Variants in EHD4 observed in about 807,000 individuals in gnomAD.
EHD4 encodes the protein EH domain-containing protein 4.
EHD4 carries 37 observed loss-of-function variants against 51.0 expected under a neutral mutation model. That is an observed-to-expected ratio of 0.73 (90% CI 0.56 to 0.95). EHD4 has a LOEUF of 0.95. EHD4 is among the 40% of genes least tolerant of loss of function. The pLI is 0.00. For missense variants in EHD4, 632 were observed against 733.1 expected (o/e 0.86, Z 1.59); for synonymous variants, 297 against 317.3 (o/e 0.94, Z 0.68).
At chr15:41,952,903 T>C (rs976928936) in intron 2 of EHD4, among the ~76,000 whole-genome samples, 3 of 148,548 alleles carry the variant, frequency 2.0e-5, no homozygotes, top group African/African-American at 7.5e-5. Context: ...GGCAGGAGAA[T>C]TGCTTGAACC....
chr15:41,961,131 T>A (rs2141008432), intron 1 of EHD4, among the ~76,000 whole-genome samples: 1 of 152,336 alleles, frequency 6.6e-6, no homozygotes, highest in South Asian at 2.1e-4. Flanking sequence ...ACCAATAAAC[T>A]GGAATTTGCT....
chr15:41,919,138 C>A (rs1595533454), intron 4 of EHD4, 72 bp downstream of exon 4: 2 of 1,581,530 alleles, frequency 1.3e-6, no homozygotes. Context: ...CTCCTCCCAC[C>A]CATCTTGCCT....
chr15:41,917,754 ATT>A (rs1488106029), intron 4 of EHD4, among the ~76,000 whole-genome samples: 3 of 152,226 alleles, frequency 2.0e-5, no homozygotes, highest in Non-Finnish European at 4.4e-5. Context: ...ACGTAAGTGG[ATT>A]TACAAACTAG....
intron 2 of EHD4, among the ~76,000 whole-genome samples, chr15:41,952,989 TC>T (rs1419911806): frequency 4.5e-4 from 23 of 50,990 alleles, no homozygotes; most frequent in African/African-American, 1.7e-3. Flanking sequence ...GACTCTATCT[TC>T]CCCCCCGCAA....
At chr15:41,940,648 T>C (rs1358162775) in intron 3 of EHD4, among the ~76,000 whole-genome samples, 1 of 152,208 alleles carries the variant, frequency 6.6e-6, no homozygotes, top group East Asian at 1.9e-4. Flanking sequence ...GGCTGGAACA[T>C]ATATGCTATT....
intron 1 of EHD4, among the ~76,000 whole-genome samples, chr15:41,965,392 A>G (rs1230856799): frequency 1.3e-5 from 2 of 152,232 alleles, no homozygotes. Context: ...TAAGTCACTG[A>G]GAGAAATGTG....
intron 3 of EHD4, 141 bp downstream of exon 3, chr15:41,942,926 G>C: frequency 1.5e-6 from 1 of 663,138 alleles, no homozygotes; most frequent in East Asian, 2.8e-5. Context: ...ATGAACTCCT[G>C]GTTGACACTT....
At chr15:41,926,592 T>C (rs1869734964) in intron 3 of EHD4, among the ~76,000 whole-genome samples, 1 of 152,224 alleles carries the variant, frequency 6.6e-6, no homozygotes, top group Non-Finnish European at 1.5e-5. Context: ...CTCACTAATC[T>C]AGCCCTCAGA....
Position 41,968,939 on chromosome 15 carries a change from T to C in EHD4, c.236+3320A>G, listed in dbSNP as rs146180999. 2.0e-3 allele frequency among the ~76,000 whole-genome samples: 302 copies of C among 152,358 alleles called. 1 individual carries two copies. Among genetic ancestry groups the C allele is most frequent in the African/African-American group, 6.4e-3 (267 of 41,592 alleles). ...ACTCCACGCCCACTAACAGTCATTCTCTATTTCGTTTGCATGCGGCTATCC... is the reference window on the plus strand; with the variant it reads ...ACTCCACGCCCACTAACAGTCATTCCCTATTTCGTTTGCATGCGGCTATCC... On this transcript the variant is annotated intron_variant, in intron 1 of 5. Transcript: ENST00000220325.
intron 5 of EHD4, among the ~76,000 whole-genome samples, chr15:41,902,119 T>C (rs980427044): frequency 6.6e-6 from 1 of 152,130 alleles, no homozygotes; most frequent in African/African-American, 2.4e-5. Flanking sequence ...GCACAGGCTC[T>C]AGAGGGGGCC....
In EHD4 at chr15:41,917,082, C is replaced by T. The variant is rs944213591; in HGVS notation, c.924+2128G>A. 3.2e-4 allele frequency among the ~76,000 whole-genome samples: 49 copies of T among 150,786 alleles called. 1 individual carries two copies. The highest frequency in any genetic ancestry group is 1.1e-3 in the African/African-American group (44 of 41,106). On this transcript the variant is annotated intron_variant, in intron 4 of 5. Coordinates refer to ENST00000220325, the MANE Select transcript of EHD4 (RefSeq NM_139265.4). ...GGGTTAAGGCGCTTGGCATTTCCAG[C>T]GAGCTTTCTGCTCCTTATTTATTTA...
chr15:41,950,107 CT>C (rs2067843541), intron 2 of EHD4, among the ~76,000 whole-genome samples: 1 of 152,208 alleles, frequency 6.6e-6, no homozygotes, highest in Admixed American at 6.5e-5. Context: ...TTCTAAACTC[CT>C]TTTATTGTTC....
chr15:41,914,849 G>C (rs1041104881), intron 4 of EHD4, among the ~76,000 whole-genome samples: 3 of 149,348 alleles, frequency 2.0e-5, no homozygotes, highest in Non-Finnish European at 3.0e-5. Flanking sequence ...GCAGTGGCAC[G>C]ATCCTGGTTG....
chr15:41,972,288 C>G lies in EHD4; in HGVS notation c.207G>C (p.Gln69His). 1.2e-6 allele frequency: 2 copies of G among 1,609,170 alleles called. No individual in the cohort carries two copies. Among genetic ancestry groups the G allele is most frequent in the Non-Finnish European group, 1.7e-6 (2 of 1,178,086 alleles). ...TGAAGGTGGTCTTGCCGGTGCTGTA[C>G]TGGCCCACCAGCAGGATCATGGGCT... ...ENKPMILLVG[Q>H]YSTGKTTFIR... Residue 69 changes from glutamine to histidine, a missense_variant, in exon 1 of 6, where the codon CAG (glutamine) becomes CAC (histidine). Gln to His is a conservative substitution (Grantham distance 24). Coordinates refer to ENST00000220325, the MANE Select transcript of EHD4 (RefSeq NM_139265.4).
intron 3 of EHD4, among the ~76,000 whole-genome samples, chr15:41,936,962 A>T (rs548499453): frequency 8.0e-4 from 122 of 152,352 alleles, no homozygotes; most frequent in South Asian, 6.0e-3. Flanking sequence ...CCTGGCTGGA[A>T]AACAGGATCT....
chr15:41,959,565 T>C (rs1426620672), intron 1 of EHD4, among the ~76,000 whole-genome samples: 3 of 152,168 alleles, frequency 2.0e-5, no homozygotes, highest in Admixed American at 1.3e-4. Context: ...TCATGTAATA[T>C]ATTTTTCTTC....
chr15:41,903,764 A>G (rs2140981836), intron 5 of EHD4, among the ~76,000 whole-genome samples: 1 of 152,178 alleles, frequency 6.6e-6, no homozygotes, highest in African/African-American at 2.4e-5. Flanking sequence ...GAGCTGAGAA[A>G]TATCAGCTAA....
intron 4 of EHD4, among the ~76,000 whole-genome samples, chr15:41,914,355 GT>G (rs59934335): frequency 0.37 from 55,922 of 151,996 alleles, 10,697 homozygotes; most frequent in Middle Eastern, 0.53. Context: ...CGTTTATAAA[GT>G]GGGTTTATGA....
intron 2 of EHD4, among the ~76,000 whole-genome samples, chr15:41,949,746 C>CA (rs2067840644): frequency 6.6e-6 from 1 of 152,022 alleles, no homozygotes; most frequent in African/African-American, 2.4e-5. Context: ...AGATCCTAGA[C>CA]AAAAAATGTC....
Sources: gnomAD v4.1 joint callset for allele counts (sites outside exome capture counted in the v4.1 genomes callset) on GRCh38, gnomAD v4.1.1 for gene constraint, MANE v1.5 for transcripts, NCBI Gene and HGNC (gene_info 2026-07-23, HGNC 2026-07-21) for gene names.